ENPP1: variants seen among roughly 807,000 people sequenced by gnomAD.
ENPP1 encodes ectonucleotide pyrophosphatase/phosphodiesterase 1.
Under a neutral mutation model 122.8 loss-of-function variants are expected in ENPP1, and 73 were observed. The observed-to-expected ratio is 0.59, with a 90% confidence interval of 0.49 to 0.72. ENPP1 has a LOEUF of 0.72. Ranked by LOEUF, ENPP1 falls within the 30% of genes least tolerant of loss-of-function variation. The pLI, the probability that ENPP1 is intolerant of heterozygous loss-of-function variation, is 0.00. For missense variants in ENPP1, 978 were observed against 1,128.1 expected (o/e 0.87, Z 1.91); for synonymous variants, 367 against 391.6 (o/e 0.94, Z 0.74).
chr6:131,894,289 CTT>C lies in ENPP1; in HGVS notation c.*3791_*3792del, dbSNP rs773181835. ...TCTACTGTCATGCCTCACATCAGTCCTTTTTTTTTTTTTTGAGACAGAGTCTC... is the reference window on the plus strand; with the variant it reads ...TCTACTGTCATGCCTCACATCAGTCCTTTTTTTTTTTTGAGACAGAGTCTC... On this transcript the variant is annotated 3_prime_UTR_variant, in exon 25 of 25. Transcript: ENST00000647893. The C allele has an allele frequency of 1.4e-4, 18 of 132,606 alleles. No individual in the cohort carries two copies. The highest frequency in any genetic ancestry group is 1.5e-4 in the Admixed American group (2 of 13,132). 8.2% of individuals were successfully genotyped at this position (132,606 alleles called of 1,614,324 possible). A position where few individuals can be genotyped will look rare whatever the true frequency, so the allele number is the denominator to read the frequency against.
At chr6:131,864,819 T>G in intron 10 of ENPP1, 47 bp from the exon 11 acceptor site, 1 of 1,242,904 alleles carries the variant, frequency 8.0e-7, no homozygotes, top group Non-Finnish European at 1.2e-6. Flanking sequence ...CCATTCTGTT[T>G]TTCAATGTGT....
chr6:131,847,773 C>T lies in ENPP1; in HGVS notation c.241-3C>T. The T allele has an allele frequency of 6.3e-7, 1 of 1,598,764 alleles. No homozygotes were observed. The highest frequency in any genetic ancestry group is 8.6e-7 in the Non-Finnish European group (1 of 1,168,252). On this transcript the variant is annotated splice_polypyrimidine_tract_variant and splice_region_variant and intron_variant, in intron 1 of 24. Transcript: ENST00000647893. The stretch of plus-strand genomic sequence containing the variant: ...CATGTAATTTTCTCTTTTCTCCCTA[C>T]AGGTATTGTCAGTATGTGTGTTAAC...
At position 131,891,722 on chromosome 6, in the gene ENPP1, A is replaced by C. The variant is rs1782473020; in HGVS notation, c.*1211A>C. The C allele has an allele frequency of 6.7e-6, 1 of 150,172 alleles. No homozygotes were observed. 9.3% of individuals were successfully genotyped at this position (150,172 alleles called of 1,614,324 possible). ...TTTGGAAAATACAATTTACAACTCAAAATTATTTAATAATTTAGGAAGTTG... is the reference window on the plus strand; with the variant it reads ...TTTGGAAAATACAATTTACAACTCACAATTATTTAATAATTTAGGAAGTTG... On this transcript the variant is annotated 3_prime_UTR_variant, in exon 25 of 25. Coordinates refer to ENST00000647893, the MANE Select transcript of ENPP1 (RefSeq NM_006208.3).
chr6:131,828,047 A>G (rs574601207), intron 1 of ENPP1: 2 of 661,736 alleles, frequency 3.0e-6, no homozygotes, highest in East Asian at 6.9e-5. Context: ...CAAGAGCACC[A>G]GGTAGGGGAA....
At chr6:131,836,837 G>A (rs1781680628) in intron 1 of ENPP1, among the ~76,000 whole-genome samples, 1 of 152,112 alleles carries the variant, frequency 6.6e-6, no homozygotes, top group African/African-American at 2.4e-5. Context: ...TGGAAAGTGC[G>A]GTACTGGCAT....
chr6:131,877,361 T>C, intron 18 of ENPP1, 200 bp downstream of exon 18: 1 of 618,956 alleles, frequency 1.6e-6, no homozygotes. Context: ...TTCCACTCTA[T>C]TTTTAATTCC....
At chr6:131,830,777 G>GT (rs1781600605) in intron 1 of ENPP1, among the ~76,000 whole-genome samples, 1 of 151,938 alleles carries the variant, frequency 6.6e-6, no homozygotes, top group Admixed American at 6.6e-5. Flanking sequence ...AGTTATATAT[G>GT]TATATGGGTT....
At chr6:131,837,396 C>T (rs1187679984) in intron 1 of ENPP1, among the ~76,000 whole-genome samples, 1 of 151,610 alleles carries the variant, frequency 6.6e-6, no homozygotes, top group African/African-American at 2.4e-5. Flanking sequence ...TGTGGTGGCG[C>T]ATGCCTGTAG....
chr6:131,820,515 G>A (rs548174369), intron 1 of ENPP1: 1 of 152,730 alleles, frequency 6.5e-6, no homozygotes, highest in Non-Finnish European at 1.5e-5. Context: ...CCAGTCTTTG[G>A]TCAAGGGTAT....
intron 11 of ENPP1, among the ~76,000 whole-genome samples, chr6:131,865,324 T>C (rs1782075194): frequency 1.3e-5 from 2 of 152,180 alleles, no homozygotes; most frequent in African/African-American, 2.4e-5. Flanking sequence ...CTATGAACTC[T>C]CTTCCTTAGG....
intron 5 of ENPP1, among the ~76,000 whole-genome samples, chr6:131,853,319 T>G (rs1781904195): frequency 6.6e-6 from 1 of 152,232 alleles, no homozygotes; most frequent in Non-Finnish European, 1.5e-5. Context: ...CAAGGAATAC[T>G]GGGAATGTTA....
chr6:131,859,384 C>T (rs1014091761), intron 7 of ENPP1, among the ~76,000 whole-genome samples: 1 of 145,458 alleles, frequency 6.9e-6, no homozygotes, highest in Non-Finnish European at 1.5e-5. Context: ...CAGAGGCTAC[C>T]TTTTTTTTTT....
At chr6:131,879,251 T>C (rs1782271679) in intron 19 of ENPP1, among the ~76,000 whole-genome samples, 2 of 152,200 alleles carry the variant, frequency 1.3e-5, no homozygotes, top group African/African-American at 4.8e-5. Flanking sequence ...TGGTGAATGA[T>C]GGCACTTTCA....
At chr6:131,840,666 C>CT (rs1169306751) in intron 1 of ENPP1, among the ~76,000 whole-genome samples, 4 of 152,226 alleles carry the variant, frequency 2.6e-5, no homozygotes, top group Admixed American at 2.6e-4. Flanking sequence ...ACATTCCCTA[C>CT]TTTCACAGCT....
At chr6:131,865,316 A>G (rs996339154) in intron 11 of ENPP1, among the ~76,000 whole-genome samples, 7 of 152,328 alleles carry the variant, frequency 4.6e-5, no homozygotes, top group African/African-American at 1.2e-4. Context: ...GAAGCCTCCT[A>G]TGAACTCTCT....
chr6:131,858,224 G>C (rs1781974317), intron 6 of ENPP1, among the ~76,000 whole-genome samples: 1 of 152,170 alleles, frequency 6.6e-6, no homozygotes, highest in Non-Finnish European at 1.5e-5. Context: ...AAGCAGCTGA[G>C]TTTGTCCAGG....
intron 11 of ENPP1, 99 bp from the exon 12 acceptor site, chr6:131,867,919 G>A (rs370142033): frequency 2.4e-6 from 2 of 833,880 alleles, no homozygotes; most frequent in Admixed American, 4.0e-5. Context: ...TTCTTTCTTT[G>A]TTTCTTTCTT....
rs377509354 is a variant in ENPP1 at position 131,887,364 on chromosome 6, G to A, written c.2607+640G>A. 2.0e-4 allele frequency among the ~76,000 whole-genome samples: 30 copies of A among 151,700 alleles called. No individual in the cohort carries two copies. The East Asian group carries it at 5.2e-3, about 26-fold the overall frequency. ...ATTTTAAAAATCTACATTGTAGATTGGGACATCAAGACTGCATAACATTTT... is the reference window on the plus strand; with the variant it reads ...ATTTTAAAAATCTACATTGTAGATTAGGACATCAAGACTGCATAACATTTT... On this transcript the variant is annotated intron_variant, in intron 24 of 24. Transcript: ENST00000647893.
At chr6:131,826,809 G>A in intron 1 of ENPP1, 2 of 416,120 alleles carry the variant, frequency 4.8e-6, no homozygotes, top group Non-Finnish European at 9.0e-6. Context: ...TAACTGCACA[G>A]TACTGAACTG....
Sources: allele counts gnomAD v4.1 joint callset (sites outside exome capture counted in the v4.1 genomes callset), GRCh38; gene constraint gnomAD v4.1.1; transcripts MANE v1.5; gene names NCBI Gene and HGNC (gene_info 2026-07-23, HGNC 2026-07-21).